Variants in BBS9 observed in about 807,000 individuals in gnomAD.
The protein encoded by BBS9 is protein PTHB1.
Under a neutral mutation model 117.7 loss-of-function variants are expected in BBS9, and 89 were observed. The ratio of observed to expected loss-of-function variants is 0.76; its 90% CI spans 0.64 to 0.90. The LOEUF (loss-of-function observed/expected upper bound fraction) is 0.90. Ranked by LOEUF, BBS9 falls within the 40% of genes least tolerant of loss-of-function variation. The pLI, the probability that BBS9 is intolerant of heterozygous loss-of-function variation, is 0.00. For synonymous variants in BBS9, 379 were observed against 370.9 expected, an observed-to-expected ratio of 1.02 and a Z score of -0.25; for missense variants, 982 against 1,042.2, an observed-to-expected ratio of 0.94 and a Z score of 0.80.
intron 21 of BBS9, among the ~76,000 whole-genome samples, chr7:33,553,254 A>G (rs1015803717): frequency 1.3e-5 from 2 of 152,154 alleles, no homozygotes; most frequent in Non-Finnish European, 2.9e-5. Flanking sequence ...ATTGTGGGCT[A>G]TTTAATATTT....
intron 9 of BBS9, among the ~76,000 whole-genome samples, chr7:33,290,955 T>C (rs1261220237): frequency 6.6e-6 from 1 of 152,194 alleles, no homozygotes; most frequent in East Asian, 1.9e-4. Flanking sequence ...AAGAAAAAAG[T>C]ATTAGTTATT....
chr7:33,597,274 A>G (rs1863006526), intron 21 of BBS9, among the ~76,000 whole-genome samples: 1 of 152,146 alleles, frequency 6.6e-6, no homozygotes, highest in Non-Finnish European at 1.5e-5. Flanking sequence ...TTATTCATCA[A>G]GTAAATCTTG....
intron 20 of BBS9, among the ~76,000 whole-genome samples, chr7:33,505,921 A>G (rs1234987727): frequency 6.6e-6 from 1 of 152,236 alleles, no homozygotes; most frequent in Non-Finnish European, 1.5e-5. Flanking sequence ...GGAAACAGTC[A>G]TTTGACAGTC....
At chr7:33,266,222 A>G (rs1798793322) in intron 7 of BBS9, among the ~76,000 whole-genome samples, 1 of 152,244 alleles carries the variant, frequency 6.6e-6, no homozygotes, top group African/African-American at 2.4e-5. Flanking sequence ...TGAATAGAGT[A>G]AGAAATAGCA....
At chr7:33,411,011 GTTTTTTTTTTTT>G (rs765425062) in intron 19 of BBS9, among the ~76,000 whole-genome samples, 1 of 96,432 alleles carries the variant, frequency 1.0e-5, no homozygotes, top group African/African-American at 3.4e-5. Flanking sequence ...AAATGTTGGT[GTTTTTTTTTTTT>G]TTTTTTTTGC....
chr7:33,565,466 G>A (rs1004511752), intron 21 of BBS9, among the ~76,000 whole-genome samples: 1 of 152,024 alleles, frequency 6.6e-6, no homozygotes, highest in Non-Finnish European at 1.5e-5. Flanking sequence ...AATGACTTCT[G>A]TTCAATAAGT....
chr7:33,305,046 G>T (rs966534909), intron 9 of BBS9, among the ~76,000 whole-genome samples: 1 of 151,366 alleles, frequency 6.6e-6, no homozygotes, highest in African/African-American at 2.4e-5. Context: ...CTTTGTTCAT[G>T]TGTTTATCTG....
intron 5 of BBS9, among the ~76,000 whole-genome samples, chr7:33,244,237 A>T (rs182727253): frequency 8.8e-4 from 132 of 149,676 alleles, no homozygotes; most frequent in African/African-American, 3.1e-3. Flanking sequence ...CTCAAAAAAC[A>T]AACAAACAAA....
chr7:33,377,722 TTG>T (rs1359648459), intron 17 of BBS9, among the ~76,000 whole-genome samples: 1 of 152,164 alleles, frequency 6.6e-6, no homozygotes, highest in Non-Finnish European at 1.5e-5. Flanking sequence ...TAGATTCTTA[TTG>T]TAGAGATCTT....
chr7:33,500,636 G>A (rs148366967), intron 19 of BBS9, among the ~76,000 whole-genome samples: 19 of 152,346 alleles, frequency 1.2e-4, no homozygotes, highest in African/African-American at 4.3e-4. Context: ...AAACAGCAAT[G>A]TAGTGTTTAG....
chr7:33,599,874 G>A (rs1320035631), intron 21 of BBS9, among the ~76,000 whole-genome samples: 1 of 152,042 alleles, frequency 6.6e-6, no homozygotes, highest in African/African-American at 2.4e-5. Context: ...ATTCCACCTA[G>A]CAGTGGTGAG....
chr7:33,264,389 TA>T lies in BBS9; in HGVS notation c.702+17del. On this transcript the variant is annotated intron_variant, in intron 7 of 22. Transcript: ENST00000242067. Reference sequence around the variant, plus strand: ...AAAGACTAGTTGTAAGGCCTTTTTTTAATATATAAAAATTTCAATAATGCTA... The same window carrying T: ...AAAGACTAGTTGTAAGGCCTTTTTTTATATATAAAAATTTCAATAATGCTA... 1 of 1,501,388 alleles carries T rather than the reference TA, an allele frequency of 6.7e-7. No homozygotes were observed. The highest frequency in any genetic ancestry group is 9.1e-7 in the Non-Finnish European group (1 of 1,093,792). The allele number at this position is 1,501,388 out of a possible 1,614,324, so 93.0% of individuals were successfully genotyped here.
At chr7:33,470,414 T>C (rs4607502) in intron 19 of BBS9, among the ~76,000 whole-genome samples, 117,933 of 151,742 alleles carry the variant, frequency 0.78, 46,649 homozygotes, top group African/African-American at 0.93. Flanking sequence ...TTTTTTCTAT[T>C]GCTATTCAGC....
intron 19 of BBS9, among the ~76,000 whole-genome samples, chr7:33,425,297 CTTATT>C (rs1833493304): frequency 2.0e-5 from 3 of 152,080 alleles, no homozygotes; most frequent in Admixed American, 2.0e-4. Flanking sequence ...TTTATCATTA[CTTATT>C]TTAAAGTATG....
intron 19 of BBS9, among the ~76,000 whole-genome samples, chr7:33,482,240 T>A (rs1393770072): frequency 2.6e-5 from 4 of 152,130 alleles, no homozygotes; most frequent in East Asian, 1.9e-4. Flanking sequence ...AAAGGACAGT[T>A]ATGTTCAGGT....
At position 33,491,397 on chromosome 7, in the gene BBS9, A is replaced by G. The variant is rs147092186; in HGVS notation, c.2116-14066A>G. Among the ~76,000 whole-genome samples, 904 of 152,294 alleles carry G rather than the reference A, an allele frequency of 5.9e-3. 11 individuals are homozygous for G. Among genetic ancestry groups the G allele is most frequent in the African/African-American group, 0.021 (867 of 41,568 alleles). On this transcript the variant is annotated intron_variant, in intron 19 of 22. Coordinates refer to ENST00000242067, the MANE Select transcript of BBS9 (RefSeq NM_198428.3). ...GAGAGGTGCCTAACAAGCAAAGGGC[A>G]TTATGGAATTAAGGAAATCTATTAT...
intron 19 of BBS9, among the ~76,000 whole-genome samples, chr7:33,440,373 A>G (rs1835985073): frequency 1.3e-5 from 2 of 152,228 alleles, no homozygotes; most frequent in South Asian, 4.1e-4. Flanking sequence ...ACAGAGTAAC[A>G]GTCATCCCTA....
chr7:33,312,716 G>A (rs1465069498), intron 9 of BBS9, among the ~76,000 whole-genome samples: 1 of 152,070 alleles, frequency 6.6e-6, no homozygotes, highest in African/African-American at 2.4e-5. Flanking sequence ...TTTTCAGAAT[G>A]ACCTCCCTAG....
At chr7:33,368,781 A>G (rs930964938) in intron 17 of BBS9, among the ~76,000 whole-genome samples, 1 of 152,148 alleles carries the variant, frequency 6.6e-6, no homozygotes, top group Non-Finnish European at 1.5e-5. Flanking sequence ...TGAAAAAGAA[A>G]AGTATTAGCA....
Sources: gnomAD v4.1 joint callset for allele counts (sites outside exome capture counted in the v4.1 genomes callset) on GRCh38, gnomAD v4.1.1 for gene constraint, MANE v1.5 for transcripts, NCBI Gene and HGNC (gene_info 2026-07-23, HGNC 2026-07-21) for gene names.